The following LRRN2 variants were observed in gnomAD, a reference collection of about 807,000 sequenced individuals.
LRRN2 encodes leucine-rich repeat neuronal protein 2.
A neutral mutation model predicts 35.7 loss-of-function variants in LRRN2; 10 were observed. That is an observed-to-expected ratio of 0.28 (90% confidence interval 0.17 to 0.47). The LOEUF (loss-of-function observed/expected upper bound fraction) is 0.47, where lower values mean the gene tolerates loss of function less well. LRRN2 is among the 20% of genes least tolerant of loss of function. The pLI is 0.99. For missense variants in LRRN2, 731 were observed against 940.3 expected (o/e 0.78, Z 2.91); for synonymous variants, 391 against 409.6 (o/e 0.95, Z 0.55).
At chr1:204,679,140 G>C (rs1357980889) in intron 1 of LRRN2, among the ~76,000 whole-genome samples, 2 of 152,190 alleles carry the variant, frequency 1.3e-5, no homozygotes, top group African/African-American at 4.8e-5. Context: ...CCAATTCTGG[G>C]CAGGCACTTT....
At chr1:204,664,158 A>G (rs1208614518) in intron 1 of LRRN2, 1 of 152,212 alleles carries the variant, frequency 6.6e-6, no homozygotes, top group African/African-American at 2.4e-5. Flanking sequence ...GCCTCAGTTA[A>G]AAAATTAGAA....
intron 1 of LRRN2, among the ~76,000 whole-genome samples, chr1:204,653,076 C>A (rs1441540569): frequency 1.3e-5 from 2 of 152,214 alleles, no homozygotes; most frequent in Non-Finnish European, 2.9e-5. Context: ...ATGGAAGAAG[C>A]AGAGTCCCAC....
At chr1:204,642,284 C>G (rs559492622) in intron 1 of LRRN2, among the ~76,000 whole-genome samples, 3 of 152,346 alleles carry the variant, frequency 2.0e-5, no homozygotes, top group African/African-American at 2.4e-5. Flanking sequence ...TCTGGGCAAA[C>G]AGCGAATCTA....
intron 1 of LRRN2, among the ~76,000 whole-genome samples, chr1:204,660,148 A>G (rs1011425453): frequency 6.6e-6 from 1 of 152,200 alleles, no homozygotes; most frequent in South Asian, 2.1e-4. Flanking sequence ...GCCAAGCTCC[A>G]TACCCTTGGC....
At chr1:204,652,271 G>GT (rs1553348497) in intron 1 of LRRN2, among the ~76,000 whole-genome samples, 1 of 70,620 alleles carries the variant, frequency 1.4e-5, no homozygotes, top group African/African-American at 6.7e-5. Flanking sequence ...CCCCCCCCCC[G>GT]CCCCCCCGCC....
intron 1 of LRRN2, among the ~76,000 whole-genome samples, chr1:204,631,256 C>CTATATATATATATACA (rs1667686818): frequency 1.4e-4 from 5 of 36,910 alleles, no homozygotes; most frequent in Non-Finnish European, 2.5e-4. Context: ...CTAGAGTGTT[C>CTATATATATATATACA]TATATATATA....
intron 1 of LRRN2, among the ~76,000 whole-genome samples, chr1:204,642,466 G>A (rs922109999): frequency 6.6e-6 from 1 of 152,140 alleles, no homozygotes; most frequent in Non-Finnish European, 1.5e-5. Context: ...CCTGCCTCCC[G>A]GCTCTGCGCT....
rs552840816 is a variant in LRRN2 at position 204,660,106 on chromosome 1, C to A, written c.-227+25214G>T. ...GTCTCTTTCCAGAGGACCCTCAAGG[C>A]TGCTTCTTCCTGGTCCAGGGGGTGA... On this transcript the variant is annotated intron_variant, in intron 1 of 1. Coordinates refer to ENST00000367177, the MANE Select transcript of LRRN2 (RefSeq NM_201630.2). Among the ~76,000 whole-genome samples, 3 of 152,362 alleles carry A rather than the reference C, an allele frequency of 2.0e-5. No homozygotes were observed. In the South Asian group the frequency reaches 6.2e-4, roughly 32 times the overall value.
intron 1 of LRRN2, among the ~76,000 whole-genome samples, chr1:204,636,684 G>A (rs1667843007): frequency 6.6e-6 from 1 of 152,172 alleles, no homozygotes; most frequent in Non-Finnish European, 1.5e-5. Flanking sequence ...AGGATCCCTT[G>A]AGCCCAGGAG....
intron 1 of LRRN2, among the ~76,000 whole-genome samples, chr1:204,654,845 T>C (rs1464834067): frequency 6.6e-6 from 1 of 152,172 alleles, no homozygotes; most frequent in African/African-American, 2.4e-5. Context: ...TTGGCTGTGA[T>C]GGAAATACTG....
At position 204,618,727 on chromosome 1, in the gene LRRN2, G is replaced by A. The variant is rs2102564746; in HGVS notation, c.1266C>T (p.Pro422=). ...GGGGGAAGCTTCGTGGGGAGATGAGGGGCAAACAGTGGTCCGTCATCTCCC... is the reference window on the plus strand; with the variant it reads ...GGGGGAAGCTTCGTGGGGAGATGAGAGGCAAACAGTGGTCCGTCATCTCCC... The part of the protein sequence containing the change: ...PFREMTDHCL[P]LISPRSFPPS... Residue 422 remains proline, a synonymous_variant, in exon 2 of 2, where the codon CCC becomes CCT. Coordinates refer to ENST00000367177, the MANE Select transcript of LRRN2 (RefSeq NM_201630.2). 6.2e-7 allele frequency: 1 copy of A among 1,606,322 alleles called. No individual in the cohort carries two copies. The highest frequency in any genetic ancestry group is 1.7e-5 in the Admixed American group (1 of 59,678).
chr1:204,682,825 G>C (rs1007087697), intron 1 of LRRN2: 5 of 152,202 alleles, frequency 3.3e-5, no homozygotes, highest in African/African-American at 1.2e-4. Context: ...GCATGTTAGA[G>C]GTCACTCAGT....
intron 1 of LRRN2, among the ~76,000 whole-genome samples, chr1:204,624,469 T>C (rs1443545211): frequency 3.9e-5 from 6 of 152,124 alleles, no homozygotes; most frequent in African/African-American, 1.4e-4. Context: ...CAAGTTTCTC[T>C]CTTGGAAAGG....
intron 1 of LRRN2, among the ~76,000 whole-genome samples, chr1:204,675,202 C>G (rs541568681): frequency 6.6e-6 from 1 of 152,288 alleles, no homozygotes; most frequent in Non-Finnish European, 1.5e-5. Context: ...GAAGCAATCC[C>G]TCCGGGGTGG....
intron 1 of LRRN2, among the ~76,000 whole-genome samples, chr1:204,623,810 C>G (rs1571617509): frequency 6.6e-6 from 1 of 152,298 alleles, no homozygotes; most frequent in Non-Finnish European, 1.5e-5. Flanking sequence ...CCCAGAGCAC[C>G]AAGTGTAGGA....
chr1:204,669,990 A>G (rs1051155144), intron 1 of LRRN2, among the ~76,000 whole-genome samples: 3 of 141,108 alleles, frequency 2.1e-5, no homozygotes, highest in Non-Finnish European at 4.6e-5. Flanking sequence ...TTTAGTTCTC[A>G]GAAGCATTTC....
At chr1:204,655,611 GTT>G (rs71789272) in intron 1 of LRRN2, among the ~76,000 whole-genome samples, 13 of 147,978 alleles carry the variant, frequency 8.8e-5, no homozygotes, top group Non-Finnish European at 1.6e-4. Flanking sequence ...AGGTTTTTTT[GTT>G]TTTTTTTTTC....
chr1:204,618,163 A>C lies in LRRN2; in HGVS notation c.1830T>G (p.Cys610Trp). ...TGGCCTCTTTGGTCCTGGCCCATAC[A>C]CAAGCCAACTGGGTGTGGGCATCAG... ...AFADAHTQLA[C>W]VWARTKEATS... The change falls in exon 2 of 2, where the codon TGT (cysteine) becomes TGG (tryptophan). Residue 610 changes from cysteine (C) to tryptophan (W), a missense_variant. Cys to Trp is a radical substitution (Grantham distance 215, BLOSUM62 -2). This residue lies in a region of LRRN2 where 229 missense variants were observed against 258.4 expected (regional missense o/e 0.89). Transcript: ENST00000367177. 1 of 1,614,124 alleles carries C rather than the reference A, an allele frequency of 6.2e-7. No homozygotes were observed. Among genetic ancestry groups the C allele is most frequent in the Non-Finnish European group, 8.5e-7 (1 of 1,179,988 alleles).
Position 204,656,202 on chromosome 1 carries a change from C to T in LRRN2, c.-227+29118G>A, listed in dbSNP as rs888046952. On this transcript the variant is annotated intron_variant, in intron 1 of 1. Coordinates refer to ENST00000367177, the MANE Select transcript of LRRN2 (RefSeq NM_201630.2). ...GGGATTACAGGTGTGAGCCACCACG[C>T]CTGGCCCCCCTCTATTCTTTCTTTG... Among the ~76,000 whole-genome samples, 7 of 152,230 alleles carry T rather than the reference C, an allele frequency of 4.6e-5. No individual in the cohort carries two copies. The South Asian group carries it at 1.4e-3, about 31-fold the overall frequency.
Sources: gnomAD v4.1 joint callset for allele counts (sites outside exome capture counted in the v4.1 genomes callset) on GRCh38, gnomAD v4.1.1 for gene constraint, gnomAD v4.1.1 regional missense constraint, MANE v1.5 for transcripts, NCBI Gene and HGNC (gene_info 2026-07-23, HGNC 2026-07-21) for gene names.